RFC3: variants seen among roughly 807,000 people sequenced by gnomAD.
RFC3 encodes the protein A1 38 kDa subunit.
In RFC3, 41 loss-of-function variants were observed where a neutral mutation model predicts 45.1. The observed-to-expected ratio is 0.91, with a 90% CI of 0.71 to 1.18. RFC3 has a LOEUF of 1.18. RFC3 is among the 50% of genes most tolerant of loss of function. The pLI, the probability that RFC3 is intolerant of heterozygous loss-of-function variation, is 0.00. For synonymous variants in RFC3, 149 were observed against 144.0 expected, an observed-to-expected ratio of 1.03 and a Z score of -0.25; for missense variants, 423 against 428.1, an observed-to-expected ratio of 0.99 and a Z score of 0.10.
intron 8 of RFC3, among the ~76,000 whole-genome samples, chr13:33,931,121 T>C (rs530143411): frequency 1.2e-4 from 19 of 152,096 alleles, no homozygotes; most frequent in African/African-American, 4.8e-5. Context: ...CTTGGACATA[T>C]TGAATTGTAG....
chr13:33,924,613 AATATAT>A lies in RFC3; in HGVS notation c.880-41470_880-41465del, dbSNP rs1467490517. Among the ~76,000 whole-genome samples the A allele has an allele frequency of 6.7e-4, 101 of 149,664 alleles. 1 individual carries two copies. The highest frequency in any genetic ancestry group is 3.0e-5 in the Non-Finnish European group (2 of 67,508). On this transcript the variant is annotated intron_variant, in intron 8 of 8. Coordinates refer to the RFC3 transcript ENST00000434425. ...AGAAATGATTATATATATATATGTAAATATATATACACACCATCATTTATTGATATT... is the reference window on the plus strand; with the variant it reads ...AGAAATGATTATATATATATATGTAAATACACACCATCATTTATTGATATT...
intron 8 of RFC3, among the ~76,000 whole-genome samples, chr13:33,942,617 C>T (rs2082931770): frequency 6.6e-6 from 1 of 152,080 alleles, no homozygotes; most frequent in Admixed American, 6.6e-5. Flanking sequence ...TGATTAAACT[C>T]TTGTAGTTTT....
intron 8 of RFC3, among the ~76,000 whole-genome samples, chr13:33,889,024 A>G (rs924091861): frequency 2.6e-5 from 4 of 152,264 alleles, no homozygotes; most frequent in East Asian, 1.9e-4. Context: ...GATTACAGGC[A>G]TGAGCCATCG....
chr13:33,850,751 T>C (rs1447285598), intron 8 of RFC3: 4 of 152,176 alleles, frequency 2.6e-5, no homozygotes, highest in African/African-American at 9.6e-5. Flanking sequence ...GTGATCAAAG[T>C]GCAGATATTT....
At chr13:33,852,572 C>A (rs1358548355) in intron 8 of RFC3, among the ~76,000 whole-genome samples, 1 of 151,972 alleles carries the variant, frequency 6.6e-6, no homozygotes, top group Non-Finnish European at 1.5e-5. Context: ...TCACCAGGAA[C>A]ATTGAGAAAT....
At chr13:33,828,464 A>G (rs1279218921) in intron 4 of RFC3, among the ~76,000 whole-genome samples, 5 of 152,184 alleles carry the variant, frequency 3.3e-5, no homozygotes, top group Non-Finnish European at 7.3e-5. Context: ...CTGTTCTGTC[A>G]AACCTTACTG....
At chr13:33,871,402 T>C (rs1252310605) in intron 8 of RFC3, among the ~76,000 whole-genome samples, 2 of 152,140 alleles carry the variant, frequency 1.3e-5, no homozygotes, top group Admixed American at 6.5e-5. Context: ...CAATCGTTGG[T>C]TAATGATCCC....
At chr13:33,977,275 G>T in the RFC3 span, among the ~76,000 whole-genome samples, 2 of 152,146 alleles carry the variant, frequency 1.3e-5, no homozygotes, top group African/African-American at 2.4e-5. Context: ...AGCAATAGAA[G>T]ATGTTAATAA....
chr13:33,974,324 C>T, the RFC3 span, among the ~76,000 whole-genome samples: 39 of 152,326 alleles, frequency 2.6e-4, no homozygotes, highest in African/African-American at 8.7e-4. Flanking sequence ...ACTTGCTCAT[C>T]TCCAGTCTCA....
chr13:33,967,666 T>C (rs952517216), downstream of RFC3, among the ~76,000 whole-genome samples: 5 of 151,890 alleles, frequency 3.3e-5, 1 homozygote, highest in Middle Eastern at 6.8e-3. Flanking sequence ...TTTTGTATTT[T>C]TAGTAGAGAT....
chr13:33,832,217 C>T (rs1329139614), intron 7 of RFC3, among the ~76,000 whole-genome samples: 1 of 152,148 alleles, frequency 6.6e-6, no homozygotes, highest in South Asian at 2.1e-4. Context: ...TTGGCTAAAG[C>T]ACAGTCTCAT....
intron 4 of RFC3, among the ~76,000 whole-genome samples, chr13:33,826,458 A>C (rs2082049939): frequency 6.6e-6 from 1 of 152,142 alleles, no homozygotes; most frequent in Middle Eastern, 3.2e-3. Flanking sequence ...TGTCAGTTTG[A>C]GTGGAGAAGA....
At chr13:33,877,530 GCTTTC>G (rs2082456168) in intron 8 of RFC3, among the ~76,000 whole-genome samples, 1 of 152,220 alleles carries the variant, frequency 6.6e-6, no homozygotes, top group Admixed American at 6.5e-5. Context: ...ACAGGCTATA[GCTTTC>G]CTCTGACTTA....
At chr13:33,949,724 T>C (rs1304165074) in intron 8 of RFC3, among the ~76,000 whole-genome samples, 5 of 152,168 alleles carry the variant, frequency 3.3e-5, no homozygotes, top group African/African-American at 1.2e-4. Context: ...TGTTTCTGGA[T>C]AAAATTAACA....
At chr13:33,820,463 A>T (rs1000920939) in intron 1 of RFC3, among the ~76,000 whole-genome samples, 3 of 152,080 alleles carry the variant, frequency 2.0e-5, no homozygotes, top group Non-Finnish European at 4.4e-5. Context: ...GTGGGTTAAC[A>T]CTCTGGTGGG....
chr13:33,904,891 A>C (rs761361059), intron 8 of RFC3, among the ~76,000 whole-genome samples: 5 of 152,112 alleles, frequency 3.3e-5, no homozygotes, highest in African/African-American at 9.7e-5. Flanking sequence ...TCAGAGCCTA[A>C]GTATGTTGAA....
downstream of RFC3, among the ~76,000 whole-genome samples, chr13:33,838,833 G>C (rs1342813132): frequency 6.6e-6 from 1 of 152,076 alleles, no homozygotes; most frequent in African/African-American, 2.4e-5. Flanking sequence ...TTTTAGGTAA[G>C]ATATTTTAGC....
intron 8 of RFC3, among the ~76,000 whole-genome samples, chr13:33,870,045 A>G (rs1481652254): frequency 6.6e-6 from 1 of 152,252 alleles, no homozygotes; most frequent in Non-Finnish European, 1.5e-5. Context: ...TGAGTGAGCT[A>G]CTGTCAGATT....
intron 8 of RFC3, among the ~76,000 whole-genome samples, chr13:33,947,547 A>G (rs559152027): frequency 6.6e-6 from 1 of 152,210 alleles, no homozygotes; most frequent in African/African-American, 2.4e-5. Flanking sequence ...ACTGGGCAAC[A>G]GGCAGAAATT....
Sources: gnomAD v4.1 joint callset for allele counts (sites outside exome capture counted in the v4.1 genomes callset) on GRCh38, gnomAD v4.1.1 for gene constraint, MANE v1.5 for transcripts, NCBI Gene and HGNC (gene_info 2026-07-23, HGNC 2026-07-21) for gene names.